Variants in CAPZB observed in about 807,000 individuals in gnomAD.
The protein encoded by CAPZB is capping actin protein of muscle Z-line subunit beta.
CAPZB carries 2 observed loss-of-function variants against 38.1 expected under a neutral mutation model. The ratio of observed to expected loss-of-function variants is 0.05; its 90% CI spans 0.02 to 0.17. The LOEUF is 0.17. CAPZB is among the 10% of genes least tolerant of loss of function. CAPZB has a pLI of 1.00. For missense variants in CAPZB, 161 were observed against 334.2 expected, an observed-to-expected ratio of 0.48 and a Z score of 4.04; for synonymous variants, 107 against 127.4, an observed-to-expected ratio of 0.84 and a Z score of 1.08.
chr1:19,397,064 A>G (rs773831633), intron 2 of CAPZB, among the ~76,000 whole-genome samples: 11 of 145,902 alleles, frequency 7.5e-5, no homozygotes, highest in Non-Finnish European at 1.1e-4. Flanking sequence ...ATATAAGTTG[A>G]TTTTTCTCCA....
In CAPZB at chr1:19,484,316, G is replaced by GCC. The variant is rs11450129; in HGVS notation, c.3+1118_3+1119dup. ...CATATGCTGGATCCAGGGCCTGGTG[G>GCC]CCCCCCAAGGCCACGGCCTCACAAG... On this transcript the variant is annotated intron_variant, in intron 1 of 8. Transcript: ENST00000264202. 16 of 1,594,232 alleles carry GCC rather than the reference G, an allele frequency of 1.0e-5. No individual in the cohort carries two copies. The African/African-American group carries it at 1.9e-4, about 19-fold the overall frequency.
intron 1 of CAPZB, among the ~76,000 whole-genome samples, chr1:19,462,988 C>T (rs75973058): frequency 0.096 from 14,665 of 152,156 alleles, 1,863 homozygotes; most frequent in African/African-American, 0.29. Flanking sequence ...TCCATCATCA[C>T]AGAAAGTTCC....
intron 1 of CAPZB, among the ~76,000 whole-genome samples, chr1:19,436,319 A>C (rs1462194243): frequency 6.6e-6 from 1 of 152,220 alleles, no homozygotes; most frequent in African/African-American, 2.4e-5. Flanking sequence ...CTCAGGAGCC[A>C]GCTCGGTTCT....
At chr1:19,476,112 C>G (rs2094605483) in intron 1 of CAPZB, among the ~76,000 whole-genome samples, 1 of 152,162 alleles carries the variant, frequency 6.6e-6, no homozygotes, top group East Asian at 1.9e-4. Flanking sequence ...TCCCTTGAGC[C>G]CACAAGTTCG....
chr1:19,419,827 T>G, intron 1 of CAPZB, 77 bp from the exon 2 acceptor site: 5 of 875,030 alleles, frequency 5.7e-6, no homozygotes, highest in Non-Finnish European at 7.3e-6. Flanking sequence ...AAAAGCATGC[T>G]TGCCCAAGGC....
chr1:19,485,505 C>T lies in CAPZB; in HGVS notation c.-67G>A, dbSNP rs1473643306. On this transcript the variant is annotated 5_prime_UTR_variant, in exon 1 of 9. Transcript: ENST00000264202. ...CTCTCCCCCCCGCAGCAGGGCCCGG[C>T]GCTTCCACTTCCCCGGGTGCCCAGG... 18 of 1,213,088 alleles carry T rather than the reference C, an allele frequency of 1.5e-5. No homozygotes were observed. Among genetic ancestry groups the T allele is most frequent in the South Asian group, 4.2e-5 (1 of 23,992 alleles). The allele number at this position is 1,213,088 out of a possible 1,614,324, so 75.1% of individuals were successfully genotyped here.
chr1:19,388,432 G>A (rs562267434), intron 2 of CAPZB, among the ~76,000 whole-genome samples: 9 of 152,292 alleles, frequency 5.9e-5, no homozygotes, highest in Non-Finnish European at 1.0e-4. Context: ...TTTACAACAC[G>A]GAGCCTCCCA....
intron 1 of CAPZB, among the ~76,000 whole-genome samples, chr1:19,430,148 TGTGGCA>T: frequency 6.6e-6 from 1 of 152,172 alleles, no homozygotes; most frequent in Non-Finnish European, 1.5e-5. Flanking sequence ...ACCAGACAAC[TGTGGCA>T]GCACTAGCAG....
chr1:19,433,756 C>T (rs1254536607), intron 1 of CAPZB, among the ~76,000 whole-genome samples: 1 of 152,200 alleles, frequency 6.6e-6, no homozygotes, highest in African/African-American at 2.4e-5. Flanking sequence ...ACCACTTGGG[C>T]TATTTCTTCC....
intron 6 of CAPZB, among the ~76,000 whole-genome samples, chr1:19,354,752 G>A (rs769876905): frequency 2.0e-5 from 3 of 152,170 alleles, no homozygotes; most frequent in Non-Finnish European, 4.4e-5. Context: ...ACTGTAAACC[G>A]GGTGGAATTA....
chr1:19,474,664 G>A (rs951246121), intron 1 of CAPZB, among the ~76,000 whole-genome samples: 2 of 152,134 alleles, frequency 1.3e-5, no homozygotes, highest in African/African-American at 2.4e-5. Flanking sequence ...AGTAGAAGCT[G>A]AGAGTGCCTA....
At chr1:19,386,556 C>T (rs1242347208) in intron 2 of CAPZB, among the ~76,000 whole-genome samples, 1 of 152,200 alleles carries the variant, frequency 6.6e-6, no homozygotes, top group Non-Finnish European at 1.5e-5. Flanking sequence ...AAAATTCCAT[C>T]GTATGGCAAA....
chr1:19,378,413 T>C (rs1395975944), intron 4 of CAPZB, 127 bp downstream of exon 4: 22 of 656,636 alleles, frequency 3.4e-5, no homozygotes, highest in Middle Eastern at 2.5e-4. Flanking sequence ...GGGAGAATGC[T>C]TGGCCGGGTA....
intron 1 of CAPZB, among the ~76,000 whole-genome samples, chr1:19,441,639 T>G (rs2094476760): frequency 6.8e-6 from 1 of 147,384 alleles, no homozygotes; most frequent in African/African-American, 2.5e-5. Context: ...CTTTCCCAAG[T>G]GATGCTGGGT....
At chr1:19,445,826 T>C (rs1479223979) in intron 1 of CAPZB, among the ~76,000 whole-genome samples, 2 of 152,198 alleles carry the variant, frequency 1.3e-5, no homozygotes, top group East Asian at 1.9e-4. Context: ...AAAACCGCAC[T>C]GTACACTTAA....
At chr1:19,414,659 T>C (rs532657697) in intron 2 of CAPZB, among the ~76,000 whole-genome samples, 2 of 152,332 alleles carry the variant, frequency 1.3e-5, no homozygotes, top group African/African-American at 4.8e-5. Context: ...GGTGCCAATA[T>C]GCAGAAACAA....
At chr1:19,398,554 A>C (rs1386679788) in intron 2 of CAPZB, among the ~76,000 whole-genome samples, 1 of 152,190 alleles carries the variant, frequency 6.6e-6, no homozygotes, top group Admixed American at 6.5e-5. Context: ...AGACTCAACA[A>C]GTCGGGTTGC....
intron 4 of CAPZB, among the ~76,000 whole-genome samples, chr1:19,375,729 A>C (rs747234487): frequency 5.3e-5 from 8 of 152,238 alleles, no homozygotes; most frequent in Non-Finnish European, 1.0e-4. Context: ...AGGCTTCACC[A>C]GAGGCAGCGT....
chr1:19,375,580 A>G (rs898657737), intron 4 of CAPZB, among the ~76,000 whole-genome samples: 4 of 152,212 alleles, frequency 2.6e-5, no homozygotes, highest in Non-Finnish European at 4.4e-5. Context: ...TCGACCCCCA[A>G]CTGGGGGCAG....
Sources: allele counts gnomAD v4.1 joint callset (sites outside exome capture counted in the v4.1 genomes callset), GRCh38; gene constraint gnomAD v4.1.1; transcripts MANE v1.5; gene names NCBI Gene and HGNC (gene_info 2026-07-23, HGNC 2026-07-21).